WIPI2: variants seen among roughly 807,000 people sequenced by gnomAD.
WIPI2 encodes WD repeat domain phosphoinositide-interacting protein 2.
In WIPI2, 28 loss-of-function variants were observed where a neutral mutation model predicts 52.3. The ratio of observed to expected loss-of-function variants is 0.54; its 90% CI spans 0.40 to 0.73. The LOEUF is 0.73. WIPI2 is among the 30% of genes least tolerant of loss of function. WIPI2 has a pLI of 0.00. For synonymous variants in WIPI2, 268 were observed against 245.0 expected (o/e 1.09, Z -0.88); for missense variants, 506 against 602.9 (o/e 0.84, Z 1.68).
rs767425020 is a variant in WIPI2 at position 5,193,138 on chromosome 7, G to A, written c.95G>A (p.Arg32Lys). 1.2e-6 allele frequency: 2 copies of A among 1,614,058 alleles called. No homozygotes were observed. Among genetic ancestry groups the A allele is most frequent in the East Asian group, 4.5e-5 (2 of 44,884 alleles). The change falls in exon 2 of 13, where the codon AGA (arginine) becomes AAA (lysine). Residue 32 changes from arginine (R) to lysine (K), a missense_variant. Physicochemically the swap from Arg to Lys is conservative, Grantham distance 26 (BLOSUM62 2). This residue lies in a region of WIPI2 where 60 missense variants were observed against 49.7 expected (regional missense o/e 1.21). Transcript: ENST00000288828. ...CCTAGAGAAGTGAAAGGGGCATCAA[G>A]AGCAGCTGGTCTTGGCCGTCGCGCT... ...QDNTEVKGAS[R>K]AAGLGRRAVV...
At chr7:5,215,338 T>C (rs1244989404) in intron 4 of WIPI2, among the ~76,000 whole-genome samples, 1 of 152,226 alleles carries the variant, frequency 6.6e-6, no homozygotes, top group African/African-American at 2.4e-5. Flanking sequence ...GACTTTTTTT[T>C]CCTTTTGTAA....
chr7:5,204,765 C>A (rs968902473), intron 3 of WIPI2, among the ~76,000 whole-genome samples: 1 of 152,034 alleles, frequency 6.6e-6, no homozygotes, highest in Non-Finnish European at 1.5e-5. Flanking sequence ...CTCACTGTAA[C>A]CTCAACCTCC....
At chr7:5,229,246 AC>A (rs1271288609) in intron 11 of WIPI2, among the ~76,000 whole-genome samples, 1 of 150,988 alleles carries the variant, frequency 6.6e-6, no homozygotes, top group Non-Finnish European at 1.5e-5. Flanking sequence ...CCGTCTCCTG[AC>A]CTCGTGATCC....
intron 2 of WIPI2, among the ~76,000 whole-genome samples, chr7:5,198,310 T>C (rs1412453363): frequency 6.6e-6 from 1 of 151,118 alleles, no homozygotes; most frequent in African/African-American, 2.4e-5. Flanking sequence ...GAAAATTCAC[T>C]TACTTAACTT....
chr7:5,215,162 T>C (rs927658908), intron 4 of WIPI2, among the ~76,000 whole-genome samples: 2 of 152,090 alleles, frequency 1.3e-5, no homozygotes, highest in Non-Finnish European at 2.9e-5. Context: ...AATACAAAAA[T>C]TAGCCGGGCA....
chr7:5,230,555 C>G lies in WIPI2; in HGVS notation c.1253-280C>G, dbSNP rs906923025. Among the ~76,000 whole-genome samples the G allele has an allele frequency of 2.6e-5, 4 of 152,172 alleles. No homozygotes were observed. Among genetic ancestry groups the G allele is most frequent in the Admixed American group, 1.3e-4 (2 of 15,264 alleles). On this transcript the variant is annotated intron_variant, in intron 12 of 12. Transcript: ENST00000288828. The surrounding 1 kb of genome is among the most constrained non-coding windows in gnomAD (Gnocchi z 4.8). ...CCTGGTGTTATTTTTGAGCTCTTAA[C>G]CAGCTTGAGAGAGTTTGTGGCCCGT...
rs1390419484 is a variant in WIPI2 at position 5,233,548 on chromosome 7, C to T, written c.*2601C>T. The T allele has an allele frequency of 6.6e-6, 1 of 152,654 alleles. No individual in the cohort carries two copies. The highest frequency in any genetic ancestry group is 2.4e-5 in the African/African-American group (1 of 41,476). The allele number at this position is 152,654 out of a possible 1,614,324, so 9.5% of individuals were successfully genotyped here. ...AAACGTTGTGAATGGGCTCAGTGGA[C>T]TCTGGGACCAAACCTTCTGTAATCT... On this transcript the variant is annotated 3_prime_UTR_variant, in exon 13 of 13. Coordinates refer to ENST00000288828, the MANE Select transcript of WIPI2 (RefSeq NM_015610.4).
chr7:5,210,129 G>A (rs901292203), intron 3 of WIPI2, among the ~76,000 whole-genome samples: 1 of 151,932 alleles, frequency 6.6e-6, no homozygotes, highest in Non-Finnish European at 1.5e-5. Context: ...GGCTGGCCTC[G>A]AACGCCTGAC....
chr7:5,207,107 C>T (rs1215759641), intron 3 of WIPI2, among the ~76,000 whole-genome samples: 2 of 152,096 alleles, frequency 1.3e-5, no homozygotes, highest in African/African-American at 2.4e-5. Flanking sequence ...TCCAGGTAGA[C>T]GGCAGGCATC....
chr7:5,193,089 TTTTTG>T (rs747668875), intron 1 of WIPI2, 24 bp from the exon 2 acceptor site: 11 of 1,601,702 alleles, frequency 6.9e-6, no homozygotes, highest in African/African-American at 1.3e-5. Context: ...TACCATTTGT[TTTTTG>T]TTTTGTTTTG....
intron 7 of WIPI2, among the ~76,000 whole-genome samples, chr7:5,221,951 A>AT (rs200325811): frequency 0.015 from 1,535 of 101,100 alleles, 30 homozygotes; most frequent in Admixed American, 0.029. Context: ...CCAGGCTTTT[A>AT]TTTTTTTTTT....
In WIPI2 at chr7:5,215,521, G is replaced by T. The variant is rs55958125; in HGVS notation, c.381+817G>T. 2.6e-5 allele frequency among the ~76,000 whole-genome samples: 4 copies of T among 152,220 alleles called. No individual in the cohort carries two copies. The South Asian group carries it at 6.2e-4, about 24-fold the overall frequency. On this transcript the variant is annotated intron_variant, in intron 4 of 12. Transcript: ENST00000288828. ...CACGCCCAGGGTAACAGCACCACCC[G>T]GGAGACCCCTGGCAATCTGATTCTG...
chr7:5,229,569 G>A, intron 11 of WIPI2, 39 bp from the exon 12 acceptor site: 1 of 1,600,120 alleles, frequency 6.2e-7, no homozygotes, highest in South Asian at 1.1e-5. Flanking sequence ...GGGCTGCCCT[G>A]TGTGGAGACG....
chr7:5,203,625 C>CTTTTTTTTTTTT (rs10709311), intron 3 of WIPI2, among the ~76,000 whole-genome samples: 1 of 66,394 alleles, frequency 1.5e-5, no homozygotes, highest in African/African-American at 5.7e-5. Context: ...TACGTTCAGC[C>CTTTTTTTTTTTT]TTTTTTTTTT....
chr7:5,216,690 T>G, intron 5 of WIPI2, 31 bp downstream of exon 5: 1 of 1,607,330 alleles, frequency 6.2e-7, no homozygotes, highest in Non-Finnish European at 8.5e-7. Flanking sequence ...AGAATCCCAT[T>G]TTTCTGATTT....
chr7:5,212,102 G>A (rs1306121972), intron 3 of WIPI2, among the ~76,000 whole-genome samples: 1 of 152,126 alleles, frequency 6.6e-6, no homozygotes, highest in Admixed American at 6.5e-5. Flanking sequence ...TGGGGAGTTT[G>A]GGGAATATCC....
rs775978681 is a variant in WIPI2, at chr7:5,222,624, C to T, written c.692C>T (p.Ser231Phe). ...CAGGGGACCGTGATTAGGGTATTTT[C>T]CATTCCAGAAGGACAAAAACTCTTT... ...SEKGTVIRVF[S>F]IPEGQKLFEF... is the part of the protein sequence containing the mutation. The change falls in exon 8 of 13, where the codon TCC becomes TTC. Residue 231 changes from serine to phenylalanine, a missense_variant. Ser to Phe is a radical substitution (Grantham distance 155). Coordinates refer to ENST00000288828, the MANE Select transcript of WIPI2 (RefSeq NM_015610.4). 6.2e-7 allele frequency: 1 copy of T among 1,614,042 alleles called. No homozygotes were observed. The highest frequency in any genetic ancestry group is 1.7e-5 in the Admixed American group (1 of 60,010).
intron 2 of WIPI2, among the ~76,000 whole-genome samples, chr7:5,197,099 G>A (rs1294822442): frequency 1.9e-5 from 2 of 107,492 alleles, no homozygotes; most frequent in Admixed American, 3.1e-4. Context: ...ATGACAGAGC[G>A]GGACTCCGTC....
rs774663199 is a variant in WIPI2 at position 5,217,904 on chromosome 7, T to G, written c.577-18T>G. ...GTCACTGTGCGGTGGCCACTCTTTA[T>G]TGGTGTCCCTTTTTCAGAGAGCTGC... On this transcript the variant is annotated intron_variant, in intron 6 of 12. Transcript: ENST00000288828. The G allele has an allele frequency of 6.2e-7, 1 of 1,613,974 alleles. No individual in the cohort carries two copies. Among genetic ancestry groups the G allele is most frequent in the Non-Finnish European group, 8.5e-7 (1 of 1,179,902 alleles).
Sources: gnomAD v4.1 joint callset for allele counts (sites outside exome capture counted in the v4.1 genomes callset) on GRCh38, gnomAD v4.1.1 for gene constraint, gnomAD v4.1.1 regional missense constraint, Gnocchi (gnomAD v3.1) non-coding constraint, MANE v1.5 for transcripts, NCBI Gene and HGNC (gene_info 2026-07-23, HGNC 2026-07-21) for gene names.